The following SMIM22 variants were observed in gnomAD, a reference collection of about 807,000 sequenced individuals.
SMIM22 encodes cancer associated small integral membrane open reading frame 1.
A neutral mutation model predicts 8.4 loss-of-function variants in SMIM22; 16 were observed. The ratio of observed to expected loss-of-function variants is 1.90; its 90% CI spans 1.29 to 2.89. The LOEUF is 2.89. Among genes scored for constraint, SMIM22 ranks in the 30% most tolerant of loss-of-function variants. SMIM22 has a pLI of 0.00. For missense variants in SMIM22, 159 were observed against 107.5 expected (o/e 1.48, Z -2.12); for synonymous variants, 67 against 47.6 (o/e 1.41, Z -1.68).
At chr16:4,791,713 A>G (rs898334203), upstream of SMIM22, among the ~76,000 whole-genome samples, 1 of 152,088 alleles carries the variant, frequency 6.6e-6, no homozygotes, top group African/African-American at 2.4e-5. Flanking sequence ...TCTGAGACAC[A>G]GTCTCACTCT....
chr16:4,792,336 G>T (rs556307465), upstream of SMIM22, among the ~76,000 whole-genome samples: 7 of 151,384 alleles, frequency 4.6e-5, no homozygotes, highest in South Asian at 1.0e-3. Context: ...GACTACAGGT[G>T]CCCGCCACCA....
chr16:4,792,756 C>T (rs1308262369), upstream of SMIM22, among the ~76,000 whole-genome samples: 9 of 143,768 alleles, frequency 6.3e-5, no homozygotes, highest in South Asian at 2.2e-4. Context: ...GAGCCGACAT[C>T]GTGCCATTGC....
At chr16:4,795,669 G>A (rs547221272) in intron 1 of SMIM22, 46 bp from the exon 2 acceptor site, 1 of 1,521,740 alleles carries the variant, frequency 6.6e-7, no homozygotes, top group Non-Finnish European at 8.8e-7. Flanking sequence ...GGTCCCCGCT[G>A]AGCTGAGCCC....
rs1411860616 is a variant in SMIM22 at position 4,796,172 on chromosome 16, G to A, written c.226-18G>A. ...ACAACGAGCGAACCTGCTTGGTCCC[G>A]CTGTGCTTCTCGTGCAGGAAAGACC... On this transcript the variant is annotated intron_variant, in intron 3 of 3. Transcript: ENST00000586005. 19 of 1,535,874 alleles carry A rather than the reference G, an allele frequency of 1.2e-5. No homozygotes were observed. Among genetic ancestry groups the A allele is most frequent in the Admixed American group, 7.8e-5 (4 of 50,960 alleles).
chr16:4,791,729 C>A (rs549844867), upstream of SMIM22, among the ~76,000 whole-genome samples: 1 of 152,282 alleles, frequency 6.6e-6, no homozygotes, highest in South Asian at 2.1e-4. Context: ...ACTCTGTCAC[C>A]CAGGCTGGAG....
Position 4,795,952 on chromosome 16 carries a change from C to T in SMIM22, c.129C>T (p.Thr43=), listed in dbSNP as rs377225414. Residue 43 remains threonine, a synonymous_variant, in exon 3 of 4, where the codon ACC becomes ACT. Transcript: ENST00000586005. The stretch of plus-strand genomic sequence containing the variant: ...GGACGCCTGTCCTGTCCCCAGGCAC[C>T]GTGCTGCTCCTGCTGCTGCTGGTCG... ...AFIVFLTFMG[T]VLLLLLLVVA... is the part of the protein sequence containing the mutation. The T allele has an allele frequency of 1.3e-4, 194 of 1,506,290 alleles. 2 individuals carry two copies. The African/African-American group carries it at 1.7e-3, about 13-fold the overall frequency. 93.3% of individuals were successfully genotyped at this position (1,506,290 alleles called of 1,614,324 possible).
upstream of SMIM22, among the ~76,000 whole-genome samples, chr16:4,791,564 T>TG (rs1405140105): frequency 6.6e-6 from 1 of 152,140 alleles, no homozygotes; most frequent in African/African-American, 2.4e-5. Context: ...GCTCACACAT[T>TG]GGTGGGTCTT....
At chr16:4,790,723 A>C (rs1013982418), upstream of SMIM22, among the ~76,000 whole-genome samples, 2 of 152,210 alleles carry the variant, frequency 1.3e-5, no homozygotes, top group Non-Finnish European at 2.9e-5. Context: ...GAGGAGGTGG[A>C]GGTTGCAGTG....
chr16:4,795,382 C>CT lies in SMIM22; in HGVS notation c.-88_-87insT. On this transcript the variant is annotated 5_prime_UTR_variant, in exon 1 of 4. Transcript: ENST00000586005. ...TGCCAAGGCCTCAGGTGGTGTGGAG[C>CT]CGGAAGCAGGAAGCAGCCTGTGCTC... 3.8e-6 allele frequency: 1 copy of CT among 261,122 alleles called. No homozygotes were observed. The allele number at this position is 261,122 out of a possible 1,614,324, so 16.2% of individuals were successfully genotyped here. A position where few individuals can be genotyped will look rare whatever the true frequency, so the allele number is the denominator to read the frequency against.
chr16:4,792,251 C>T (rs551916089), upstream of SMIM22, among the ~76,000 whole-genome samples: 7 of 151,454 alleles, frequency 4.6e-5, no homozygotes, highest in East Asian at 6.0e-4. Context: ...AGTGCAGTGG[C>T]GTGATCTCGG....
chr16:4,795,369 A>T lies in SMIM22; in HGVS notation c.-101A>T. The T allele has an allele frequency of 4.1e-6, 1 of 242,556 alleles. No individual in the cohort carries two copies. The allele number at this position is 242,556 out of a possible 1,614,324, so 15.0% of individuals were successfully genotyped here. On this transcript the variant is annotated 5_prime_UTR_variant, in exon 1 of 4. Transcript: ENST00000586005. ...GGGCGGGGCTGGTTGCCAAGGCCTC[A>T]GGTGGTGTGGAGCCGGAAGCAGGAA...
chr16:4,790,772 G>C (rs1596264907), upstream of SMIM22, among the ~76,000 whole-genome samples: 1 of 152,198 alleles, frequency 6.6e-6, no homozygotes, highest in East Asian at 1.9e-4. Flanking sequence ...CTGGGCGACA[G>C]AGTAAGACCC....
At chr16:4,792,382 G>A (rs1229495833), upstream of SMIM22, among the ~76,000 whole-genome samples, 5 of 151,110 alleles carry the variant, frequency 3.3e-5, no homozygotes, top group Non-Finnish European at 7.4e-5. Flanking sequence ...AGTAGAGACG[G>A]GGTTTCACCG....
At chr16:4,788,494 A>G (rs759992) in exon 1 of SMIM22, 92,532 of 152,018 alleles carry the variant, frequency 0.61, 29,809 homozygotes, top group African/African-American at 0.83. Flanking sequence ...ATAATACAAT[A>G]ATCCCCAAGT....
chr16:4,790,351 C>G (rs751630839), intron 2 of SMIM22, among the ~76,000 whole-genome samples: 1 of 152,156 alleles, frequency 6.6e-6, no homozygotes, highest in Non-Finnish European at 1.5e-5. Context: ...TAAGTAAAAC[C>G]GTATTCACAG....
upstream of SMIM22, among the ~76,000 whole-genome samples, chr16:4,790,652 G>T (rs1219283843): frequency 6.6e-6 from 1 of 152,184 alleles, no homozygotes; most frequent in African/African-American, 2.4e-5. Context: ...GCTGGGCTTG[G>T]TGGCGGGCAC....
upstream of SMIM22, among the ~76,000 whole-genome samples, chr16:4,793,355 CAG>C (rs1193648474): frequency 6.6e-6 from 1 of 152,154 alleles, no homozygotes; most frequent in Non-Finnish European, 1.5e-5. Flanking sequence ...TTTGAAGCCA[CAG>C]AGTTTGTGGT....
chr16:4,795,579 A>T (rs1238191346), intron 1 of SMIM22, 130 bp downstream of exon 1: 16 of 1,071,108 alleles, frequency 1.5e-5, no homozygotes, highest in Non-Finnish European at 2.1e-5. Context: ...GGGCCGAGGG[A>T]GAAGTGGAGT....
rs560619001 is a variant in SMIM22, at chr16:4,796,446, G to A, written c.*215G>A. On this transcript the variant is annotated 3_prime_UTR_variant, in exon 4 of 4. Transcript: ENST00000586005. The stretch of plus-strand genomic sequence containing the variant: ...GGGGAGCTGGTCTCAGGCCGGGCGC[G>A]GTGGCTCACACCTATAATCCCAGCA... The A allele has an allele frequency of 2.2e-5, 13 of 601,926 alleles. No individual in the cohort carries two copies. Among genetic ancestry groups the A allele is most frequent in the South Asian group, 1.4e-4 (7 of 50,714 alleles). The allele number at this position is 601,926 out of a possible 1,614,324, so 37.3% of individuals were successfully genotyped here. A position where few individuals can be genotyped will look rare whatever the true frequency, so the allele number is the denominator to read the frequency against.
Sources: allele counts gnomAD v4.1 joint callset (sites outside exome capture counted in the v4.1 genomes callset), GRCh38; gene constraint gnomAD v4.1.1; transcripts MANE v1.5; gene names NCBI Gene and HGNC (gene_info 2026-07-23, HGNC 2026-07-21).